Variants in SLIT3 observed in about 807,000 individuals in gnomAD.
The protein encoded by SLIT3 is slit homolog 3 protein.
SLIT3 carries 68 observed loss-of-function variants against 184.0 expected under a neutral mutation model. That is an observed-to-expected ratio of 0.37 (90% confidence interval 0.30 to 0.45). SLIT3 has a LOEUF of 0.45. Among genes scored for constraint, SLIT3 ranks in the 20% least tolerant of loss-of-function variants. SLIT3 has a pLI of 1.00. For synonymous variants in SLIT3, 831 were observed against 828.6 expected, an observed-to-expected ratio of 1.00 and a Z score of -0.05; for missense variants, 1,707 against 2,026.0, an observed-to-expected ratio of 0.84 and a Z score of 3.02.
intron 4 of SLIT3, among the ~76,000 whole-genome samples, chr5:169,162,380 C>T (rs1329992522): frequency 6.6e-6 from 1 of 152,162 alleles, no homozygotes; most frequent in African/African-American, 2.4e-5. Context: ...GTTGCCCTTA[C>T]AGCAGGAGAA....
chr5:169,275,255 A>G lies in SLIT3; in HGVS notation c.198-23796T>C, dbSNP rs940409685. On this transcript the variant is annotated intron_variant, in intron 1 of 35. Transcript: ENST00000519560. Reference sequence around the variant, plus strand: ...AGGTATCACTGCACCCATTTTACAGATGAGGTAACTAAGGTTTGGTGACCC... The same window carrying G: ...AGGTATCACTGCACCCATTTTACAGGTGAGGTAACTAAGGTTTGGTGACCC... 1.5e-4 allele frequency among the ~76,000 whole-genome samples: 23 copies of G among 152,192 alleles called. 1 individual carries two copies. Among genetic ancestry groups the G allele is most frequent in the African/African-American group, 5.5e-4 (23 of 41,454 alleles).
At chr5:169,091,669 G>C (rs1219483091) in intron 4 of SLIT3, among the ~76,000 whole-genome samples, 1 of 152,212 alleles carries the variant, frequency 6.6e-6, no homozygotes, top group Admixed American at 6.5e-5. Flanking sequence ...AAATGACAAG[G>C]AGGGCAGGCT....
At chr5:168,716,896 C>T (rs562291986) in intron 23 of SLIT3, among the ~76,000 whole-genome samples, 1 of 149,508 alleles carries the variant, frequency 6.7e-6, no homozygotes, top group Admixed American at 6.6e-5. Context: ...GAGTCCCAGC[C>T]TTGGTTCTGC....
At position 168,849,194 on chromosome 5, in the gene SLIT3, TG is replaced by T. The variant is rs562426804; in HGVS notation, c.486-4540del. 4.1e-4 allele frequency among the ~76,000 whole-genome samples: 62 copies of T among 152,346 alleles called. 1 individual carries two copies. The South Asian group carries it at 0.011, about 27-fold the overall frequency. On this transcript the variant is annotated intron_variant, in intron 5 of 35. Coordinates refer to ENST00000519560, the MANE Select transcript of SLIT3 (RefSeq NM_003062.4). ...TCGAATTCCAAACTAGGTATCTACA[TG>T]CAAGGTCTGCACATCAGGGGATACC...
intron 12 of SLIT3, among the ~76,000 whole-genome samples, chr5:168,781,369 ACCAATCAGT>A (rs1755963566): frequency 6.6e-6 from 1 of 152,184 alleles, no homozygotes; most frequent in Non-Finnish European, 1.5e-5. Flanking sequence ...CCACATGGTT[ACCAATCAGT>A]CCTTTAAGTG....
chr5:168,686,928 C>T (rs764344497), intron 30 of SLIT3, 51 bp downstream of exon 30: 3 of 1,597,378 alleles, frequency 1.9e-6, no homozygotes. Context: ...AGCCCCAGCC[C>T]CTGCCACCTG....
At chr5:169,120,869 G>A (rs556554224) in intron 4 of SLIT3, among the ~76,000 whole-genome samples, 58 of 152,256 alleles carry the variant, frequency 3.8e-4, no homozygotes, top group Admixed American at 7.2e-4. Flanking sequence ...CTGCTTTAGA[G>A]GTGATGGGTC....
At chr5:168,964,602 A>G (rs1763120150) in intron 4 of SLIT3, among the ~76,000 whole-genome samples, 1 of 152,238 alleles carries the variant, frequency 6.6e-6, no homozygotes. Context: ...ACAAACTGAG[A>G]AAATGTAAAA....
intron 6 of SLIT3, among the ~76,000 whole-genome samples, chr5:168,824,740 C>A (rs1757643719): frequency 6.6e-6 from 1 of 152,180 alleles, no homozygotes; most frequent in African/African-American, 2.4e-5. Context: ...CTATTCTCCG[C>A]TCCTCCCAGA....
intron 21 of SLIT3, 148 bp downstream of exon 21, chr5:168,724,268 G>C (rs1299205496): frequency 1.5e-5 from 7 of 460,354 alleles, no homozygotes; most frequent in Non-Finnish European, 2.3e-5. Context: ...TCCCTTTGCA[G>C]ACTGGCTTCT....
At chr5:168,805,743 A>G (rs1756932127) in intron 9 of SLIT3, among the ~76,000 whole-genome samples, 1 of 152,218 alleles carries the variant, frequency 6.6e-6, no homozygotes. Context: ...GATCTGAGAT[A>G]ATTAAGAGCT....
intron 4 of SLIT3, among the ~76,000 whole-genome samples, chr5:169,079,760 G>A (rs1194837926): frequency 8.3e-6 from 1 of 120,662 alleles, no homozygotes. Context: ...AGAGGAGGAA[G>A]AGGGAAGAAG....
At chr5:169,162,713 C>G (rs1762518275) in intron 4 of SLIT3, among the ~76,000 whole-genome samples, 1 of 152,170 alleles carries the variant, frequency 6.6e-6, no homozygotes, top group Admixed American at 6.5e-5. Flanking sequence ...AATGAAGTCA[C>G]TTAATCTCAC....
chr5:169,068,040 C>A (rs1182585455), intron 4 of SLIT3, among the ~76,000 whole-genome samples: 1 of 152,102 alleles, frequency 6.6e-6, no homozygotes, highest in Non-Finnish European at 1.5e-5. Context: ...AAAGCCAGTC[C>A]TTAAGAAGAA....
intron 4 of SLIT3, among the ~76,000 whole-genome samples, chr5:169,067,537 C>T (rs1279007551): frequency 1.3e-5 from 2 of 152,248 alleles, no homozygotes; most frequent in Admixed American, 1.3e-4. Flanking sequence ...GTGGATGCTG[C>T]AAGTTTGATT....
intron 12 of SLIT3, among the ~76,000 whole-genome samples, chr5:168,780,602 C>T (rs923304121): frequency 2.0e-5 from 3 of 152,196 alleles, no homozygotes; most frequent in Non-Finnish European, 2.9e-5. Context: ...ATCACCTCTA[C>T]ACATTGGCAC....
chr5:168,986,168 T>C (rs1755120516), intron 4 of SLIT3, among the ~76,000 whole-genome samples: 3 of 152,230 alleles, frequency 2.0e-5, no homozygotes, highest in Admixed American at 2.0e-4. Context: ...TCATGTCTTT[T>C]CTTACGTCTG....
intron 20 of SLIT3, among the ~76,000 whole-genome samples, chr5:168,745,113 A>G (rs1247837732): frequency 6.6e-6 from 1 of 152,226 alleles, no homozygotes; most frequent in East Asian, 1.9e-4. Context: ...CTCCAACCAT[A>G]TGGATGACCT....
chr5:168,856,172 TAAATGCCACTG>T (rs1318451900), intron 5 of SLIT3, among the ~76,000 whole-genome samples: 1 of 152,220 alleles, frequency 6.6e-6, no homozygotes, highest in Admixed American at 6.5e-5. Flanking sequence ...GCGAGTGTAC[TAAATGCCACTG>T]AATTGTACTT....
Sources: allele counts gnomAD v4.1 joint callset (sites outside exome capture counted in the v4.1 genomes callset), GRCh38; gene constraint gnomAD v4.1.1; transcripts MANE v1.5; gene names NCBI Gene and HGNC (gene_info 2026-07-23, HGNC 2026-07-21).